VPS13A: variants seen among roughly 807,000 people sequenced by gnomAD.
The protein encoded by VPS13A is intermembrane lipid transfer protein VPS13A.
VPS13A carries 264 observed loss-of-function variants against 390.9 expected under a neutral mutation model. The ratio of observed to expected loss-of-function variants is 0.68; its 90% CI spans 0.61 to 0.75. The LOEUF (loss-of-function observed/expected upper bound fraction) is 0.75. Ranked by LOEUF, VPS13A falls within the 30% of genes least tolerant of loss-of-function variation. The probability of loss-of-function intolerance (pLI) is 0.00; values close to 1 mark genes in which losing one functional copy is unlikely to be tolerated. For missense variants in VPS13A, 3,409 were observed against 3,733.9 expected, an observed-to-expected ratio of 0.91 and a Z score of 2.27; for synonymous variants, 1,231 against 1,227.1, an observed-to-expected ratio of 1.00 and a Z score of -0.07.
chr9:77,385,861 CTA>C (rs530667526), intron 68 of VPS13A, among the ~76,000 whole-genome samples: 6 of 151,724 alleles, frequency 4.0e-5, no homozygotes, highest in Admixed American at 3.3e-4. Flanking sequence ...AAATCATTCT[CTA>C]TGTTTTTTGA....
chr9:77,365,687 A>G, intron 60 of VPS13A, 114 bp downstream of exon 60: 1 of 658,576 alleles, frequency 1.5e-6, no homozygotes, highest in East Asian at 2.9e-5. Flanking sequence ...CAATTAAACT[A>G]AGTAACAAAG....
intron 67 of VPS13A, among the ~76,000 whole-genome samples, chr9:77,376,648 C>T (rs1468782622): frequency 1.3e-5 from 2 of 152,088 alleles, no homozygotes; most frequent in African/African-American, 4.8e-5. Context: ...TAGACATTTC[C>T]TTTTGAATAT....
chr9:77,315,968 T>G (rs1448892185), intron 38 of VPS13A, among the ~76,000 whole-genome samples: 3 of 151,988 alleles, frequency 2.0e-5, no homozygotes, highest in Admixed American at 2.0e-4. Flanking sequence ...GCTTTCCAAT[T>G]AAATAGTGGA....
In VPS13A at chr9:77,366,887, C is replaced by A; in HGVS notation, c.8471+15C>A. ...GTAGTTTTTAAGTATGTTTAGTATT[C>A]AAATCTGTAAATTGATGGAAATATT... On this transcript the variant is annotated intron_variant, in intron 61 of 71. Coordinates refer to ENST00000360280, the MANE Select transcript of VPS13A (RefSeq NM_033305.3). 2 of 1,609,320 alleles carry A rather than the reference C, an allele frequency of 1.2e-6. No homozygotes were observed. Among genetic ancestry groups the A allele is most frequent in the South Asian group, 2.2e-5 (2 of 89,966 alleles).
intron 61 of VPS13A, among the ~76,000 whole-genome samples, 155 bp from the exon 62 acceptor site, chr9:77,367,900 G>A (rs1461026966): frequency 6.6e-6 from 1 of 152,146 alleles, no homozygotes; most frequent in Non-Finnish European, 1.5e-5. Flanking sequence ...ATGCAGAGAT[G>A]TATGTAAAAA....
rs75356590 is a variant in VPS13A, at chr9:77,178,528, A to G, written c.100+724A>G. 1.1e-4 allele frequency among the ~76,000 whole-genome samples: 17 copies of G among 152,352 alleles called. No individual in the cohort carries two copies. In the East Asian group the frequency reaches 3.3e-3, roughly 29 times the overall value. ...TTCAAGACTTTAGGATATGTGGGTCAGAGTGAATTGCCGAATTTTAAAGAA... is the reference window on the plus strand; with the variant it reads ...TTCAAGACTTTAGGATATGTGGGTCGGAGTGAATTGCCGAATTTTAAAGAA... On this transcript the variant is annotated intron_variant, in intron 1 of 71. Coordinates refer to ENST00000360280, the MANE Select transcript of VPS13A (RefSeq NM_033305.3).
chr9:77,410,029 T>A (rs1266378221), intron 71 of VPS13A, among the ~76,000 whole-genome samples: 2 of 151,876 alleles, frequency 1.3e-5, no homozygotes, highest in East Asian at 3.9e-4. Context: ...GAAAAAATGT[T>A]AAGGGCAGCC....
At chr9:77,274,003 A>G (rs1199435506) in intron 24 of VPS13A, among the ~76,000 whole-genome samples, 1 of 152,224 alleles carries the variant, frequency 6.6e-6, no homozygotes, top group Non-Finnish European at 1.5e-5. Context: ...TTCTGTAGTC[A>G]TATAAGAAAT....
At chr9:77,367,954 G>A (rs540340551) in intron 61 of VPS13A, 101 bp from the exon 62 acceptor site, 2 of 1,125,470 alleles carry the variant, frequency 1.8e-6, no homozygotes, top group South Asian at 2.7e-5. Flanking sequence ...AGAAGGAAAG[G>A]TTTGGAGAAA....
At chr9:77,401,527 T>A (rs1344520990) in intron 68 of VPS13A, among the ~76,000 whole-genome samples, 1 of 152,188 alleles carries the variant, frequency 6.6e-6, no homozygotes, top group Non-Finnish European at 1.5e-5. Flanking sequence ...TTTATTAAAC[T>A]TACATGTAAA....
Position 77,359,388 on chromosome 9 carries a change from G to C in VPS13A, c.8091G>C (p.Gln2697His), listed in dbSNP as rs1832007597. The change falls in exon 58 of 72, where the codon CAG becomes CAC. Residue 2697 changes from glutamine (Q) to histidine (H), a missense_variant. Coordinates refer to ENST00000360280, the MANE Select transcript of VPS13A (RefSeq NM_033305.3). ...SIVMRSAGHS[Q>H]ISRIKYFKVL... Reference sequence around the variant, plus strand: ...TCATGAGATCTGCAGGACATTCCCAGATATCACGTATTAAGTAAGTGTCTT... The same window carrying C: ...TCATGAGATCTGCAGGACATTCCCACATATCACGTATTAAGTAAGTGTCTT... 5.0e-6 allele frequency: 8 copies of C among 1,612,554 alleles called. No individual in the cohort carries two copies. The highest frequency in any genetic ancestry group is 6.8e-6 in the Non-Finnish European group (8 of 1,179,066).
At chr9:77,270,671 A>G (rs984773499) in intron 23 of VPS13A, among the ~76,000 whole-genome samples, 3 of 152,234 alleles carry the variant, frequency 2.0e-5, no homozygotes, top group Non-Finnish European at 4.4e-5. Context: ...AGCCTGGGTG[A>G]CAGAAGGAGA....
rs1199855164 is a variant in VPS13A at position 77,228,207 on chromosome 9, T to C, written c.1538T>C (p.Ile513Thr). The C allele has an allele frequency of 1.1e-5, 17 of 1,604,056 alleles. No homozygotes were observed. Among genetic ancestry groups the C allele is most frequent in the East Asian group, 2.2e-5 (1 of 44,514 alleles). ...CATCAAAAACCTGAGCTGGTAGATA[T>C]TGTAATAGAAGAATTTAGCACCTTA... ...ENHQKPELVDIVIEEFSTLIV... is the reference protein window; with the variant it reads ...ENHQKPELVDTVIEEFSTLIV... Residue 513 changes from isoleucine (I) to threonine (T), a missense_variant, in exon 17 of 72, where the codon ATT becomes ACT. Around this residue, in one of 5 missense-constraint regions of VPS13A, gnomAD observed 2,717 missense variants for 2,917.4 expected, o/e 0.93. Transcript: ENST00000360280.
chr9:77,339,984 A>G (rs1830728184), intron 48 of VPS13A, 73 bp downstream of exon 48: 1 of 1,526,688 alleles, frequency 6.6e-7, no homozygotes, highest in Non-Finnish European at 8.9e-7. Context: ...AGTTCTGAGT[A>G]ATAAATATTA....
At chr9:77,310,970 G>A (rs1178320628) in intron 35 of VPS13A, among the ~76,000 whole-genome samples, 1 of 151,180 alleles carries the variant, frequency 6.6e-6, no homozygotes, top group Non-Finnish European at 1.5e-5. Context: ...ATGTCACCCA[G>A]GCTGGAGTGT....
chr9:77,290,440 C>G (rs890369611), intron 31 of VPS13A, among the ~76,000 whole-genome samples: 2 of 152,072 alleles, frequency 1.3e-5, no homozygotes, highest in Non-Finnish European at 2.9e-5. Context: ...ATCTGTCTTT[C>G]AATATTTTTC....
intron 3 of VPS13A, among the ~76,000 whole-genome samples, chr9:77,203,871 G>C (rs952749457): frequency 1.3e-5 from 2 of 152,066 alleles, no homozygotes; most frequent in Non-Finnish European, 2.9e-5. Flanking sequence ...TAAAAACTTA[G>C]AAAGTTATTC....
intron 10 of VPS13A, among the ~76,000 whole-genome samples, chr9:77,216,463 G>A (rs1213338278): frequency 6.6e-6 from 1 of 152,150 alleles, no homozygotes; most frequent in African/African-American, 2.4e-5. Flanking sequence ...CTGGATTGAT[G>A]TAGGTGAAAG....
At chr9:77,228,382 G>T in intron 17 of VPS13A, 118 bp downstream of exon 17, 2 of 1,032,872 alleles carry the variant, frequency 1.9e-6, no homozygotes, top group Non-Finnish European at 2.7e-6. Flanking sequence ...ATCCTTTTGT[G>T]GTTTCAGGAA....
Sources: gnomAD v4.1 joint callset for allele counts (sites outside exome capture counted in the v4.1 genomes callset) on GRCh38, gnomAD v4.1.1 for gene constraint, gnomAD v4.1.1 regional missense constraint, MANE v1.5 for transcripts, NCBI Gene and HGNC (gene_info 2026-07-23, HGNC 2026-07-21) for gene names.